The following ZNF736 variants were observed in gnomAD, a reference collection of about 807,000 sequenced individuals.
ZNF736 encodes zinc finger protein 736.
A neutral mutation model predicts 11.7 loss-of-function variants in ZNF736; 6 were observed. That is an observed-to-expected ratio of 0.51 (90% confidence interval 0.28 to 1.01). ZNF736 has a LOEUF of 1.01. Among genes scored for constraint, ZNF736 ranks in the 50% least tolerant of loss-of-function variants. The pLI is 0.09. For missense variants in ZNF736, 444 were observed against 496.0 expected, an observed-to-expected ratio of 0.90 and a Z score of 1.00; for synonymous variants, 139 against 164.7, an observed-to-expected ratio of 0.84 and a Z score of 1.19.
intron 1 of ZNF736, among the ~76,000 whole-genome samples, chr7:64,317,126 G>A (rs994302060): frequency 1.3e-5 from 2 of 152,106 alleles, no homozygotes; most frequent in African/African-American, 2.4e-5. Flanking sequence ...GTATTTATGT[G>A]TACACAATAA....
chr7:64,323,430 T>C lies in ZNF736; in HGVS notation c.3+9277T>C, dbSNP rs547158197. On this transcript the variant is annotated intron_variant, in intron 1 of 3. Coordinates refer to ENST00000423484, the MANE Select transcript of ZNF736 (RefSeq NM_001170905.3). ...AATTAAACTTAAGCAGTATATTGTT[T>C]TTAAAAGTAAAACAAAAAAAAATAC... is the stretch of plus-strand genomic sequence containing the variant. 2.2e-4 allele frequency among the ~76,000 whole-genome samples: 7 copies of C among 31,878 alleles called. No individual in the cohort carries two copies. In the East Asian group the frequency reaches 4.1e-3, roughly 19 times the overall value. The allele number at this position is 31,878 out of a possible 152,430, so 20.9% of individuals were successfully genotyped here. A position where few individuals can be genotyped will look rare whatever the true frequency, so the allele number is the denominator to read the frequency against.
chr7:64,315,239 G>A (rs1252677785), intron 1 of ZNF736, among the ~76,000 whole-genome samples: 1 of 152,098 alleles, frequency 6.6e-6, no homozygotes, highest in East Asian at 1.9e-4. Flanking sequence ...CCCAGTCTGA[G>A]GTATTTATAG....
chr7:64,344,674 A>G (rs916077373), intron 3 of ZNF736, among the ~76,000 whole-genome samples: 2 of 152,116 alleles, frequency 1.3e-5, no homozygotes, highest in African/African-American at 4.8e-5. Context: ...ATTTTAAATT[A>G]TATTTATCGA....
intron 1 of ZNF736, among the ~76,000 whole-genome samples, chr7:64,335,987 G>A (rs190771105): frequency 2.0e-5 from 3 of 152,278 alleles, no homozygotes; most frequent in Non-Finnish European, 2.9e-5. Flanking sequence ...TGTAAATGTA[G>A]CATTAAGAAA....
chr7:64,335,574 A>C (rs1189559625), intron 1 of ZNF736, among the ~76,000 whole-genome samples: 1 of 152,212 alleles, frequency 6.6e-6, no homozygotes, highest in Non-Finnish European at 1.5e-5. Flanking sequence ...ATTTTTCTCT[A>C]TTAATAGATA....
Position 64,348,412 on chromosome 7 carries a change from G to T in ZNF736, c.549G>T (p.Arg183Ser). The T allele has an allele frequency of 1.3e-6, 2 of 1,550,594 alleles. No homozygotes were observed. The highest frequency in any genetic ancestry group is 1.2e-5 in the South Asian group (1 of 84,056). ...GTGAAGAATGTGGCAAAGACTGTAGGTTGTTCTCAGATTTTACTAGACATA... is the reference window on the plus strand; with the variant it reads ...GTGAAGAATGTGGCAAAGACTGTAGTTTGTTCTCAGATTTTACTAGACATA... ...HKCEECGKDC[R>S]LFSDFTRHKK... The change falls in exon 4 of 4, where the codon AGG becomes AGT. Residue 183 changes from arginine to serine, a missense_variant. Physicochemically the swap from Arg to Ser is moderately radical, Grantham distance 110. Transcript: ENST00000423484.
At chr7:64,328,268 G>C (rs1447882239) in intron 1 of ZNF736, among the ~76,000 whole-genome samples, 1 of 122,032 alleles carries the variant, frequency 8.2e-6, no homozygotes, top group Non-Finnish European at 1.8e-5. Flanking sequence ...TTTTTTTTAT[G>C]GTAGAAGGAT....
intron 3 of ZNF736, among the ~76,000 whole-genome samples, chr7:64,342,827 C>A (rs994482421): frequency 6.6e-6 from 1 of 152,016 alleles, no homozygotes; most frequent in African/African-American, 2.4e-5. Context: ...TTTTCATCAA[C>A]TTTTCTCAAA....
rs1480095541 is a variant in ZNF736, at chr7:64,349,174, C to T, written c.*27C>T. 6.8e-6 allele frequency: 10 copies of T among 1,464,642 alleles called. No individual in the cohort carries two copies. Among genetic ancestry groups the T allele is most frequent in the Non-Finnish European group, 9.0e-6 (10 of 1,105,222 alleles). 90.7% of individuals were successfully genotyped at this position (1,464,642 alleles called of 1,614,324 possible). On this transcript the variant is annotated 3_prime_UTR_variant, in exon 4 of 4. Transcript: ENST00000423484. ...AATGTGGAAAAGCCTTTACCAAGTC[C>T]TCATACTGTGTTCAACATCTGAAAT...
chr7:64,326,313 T>C (rs1286318571), intron 1 of ZNF736, among the ~76,000 whole-genome samples: 1 of 152,206 alleles, frequency 6.6e-6, no homozygotes, highest in Non-Finnish European at 1.5e-5. Context: ...ATCTGCCTAT[T>C]TTTAATACAC....
rs191076853 is a variant in ZNF736 at position 64,355,663 on chromosome 7, T to G, written c.*6516T>G. On this transcript the variant is annotated 3_prime_UTR_variant, in exon 4 of 4. Coordinates refer to ENST00000423484, the MANE Select transcript of ZNF736 (RefSeq NM_001170905.3). ...TTCCAAAGTGCTGGGAATGCACATG[T>G]GAGCCACCGCGCCTGTCCTTGATTT... 1.3e-5 allele frequency: 2 copies of G among 152,434 alleles called. No homozygotes were observed. The highest frequency in any genetic ancestry group is 4.8e-5 in the African/African-American group (2 of 41,446). 9.4% of individuals were successfully genotyped at this position (152,434 alleles called of 1,614,324 possible).
rs1181887735 is a variant in ZNF736 at position 64,354,545 on chromosome 7, G to T, written c.*5398G>T. 2.4e-5 allele frequency: 1 copy of T among 42,332 alleles called. No individual in the cohort carries two copies. Among genetic ancestry groups the T allele is most frequent in the Non-Finnish European group, 5.3e-5 (1 of 18,842 alleles). The allele number at this position is 42,332 out of a possible 1,614,324, so 2.6% of individuals were successfully genotyped here. A position where few individuals can be genotyped will look rare whatever the true frequency, so the allele number is the denominator to read the frequency against. ...ATTGCTCCTGGCTTAGAATCATCTT[G>T]TGCAAATTCTTTTTTTGTTGTTTGT... On this transcript the variant is annotated 3_prime_UTR_variant, in exon 4 of 4. Coordinates refer to ENST00000423484, the MANE Select transcript of ZNF736 (RefSeq NM_001170905.3).
At chr7:64,319,488 C>T (rs1788971447) in intron 1 of ZNF736, among the ~76,000 whole-genome samples, 5 of 75,244 alleles carry the variant, frequency 6.6e-5, no homozygotes, top group Admixed American at 1.8e-4. Context: ...ACATTTCTTC[C>T]CTTTTTTTTT....
chr7:64,326,139 TAG>T (rs1789079419), intron 1 of ZNF736, among the ~76,000 whole-genome samples: 1 of 152,248 alleles, frequency 6.6e-6, no homozygotes, highest in African/African-American at 2.4e-5. Context: ...TGTACCATTT[TAG>T]AGTGTCTCTG....
chr7:64,329,564 A>C (rs1789130436), intron 1 of ZNF736, among the ~76,000 whole-genome samples: 1 of 152,184 alleles, frequency 6.6e-6, no homozygotes, highest in African/African-American at 2.4e-5. Context: ...TCTCTGGGTT[A>C]CCAGGCAGAC....
intron 3 of ZNF736, among the ~76,000 whole-genome samples, chr7:64,338,212 A>G (rs1789287258): frequency 6.6e-6 from 1 of 152,228 alleles, no homozygotes; most frequent in African/African-American, 2.4e-5. Flanking sequence ...TAATCCCAGT[A>G]AGGCGAATTT....
rs1261838822 is a variant in ZNF736 at position 64,349,050 on chromosome 7, C to A, written c.1187C>A (p.Pro396His). 1.1e-5 allele frequency: 18 copies of A among 1,606,162 alleles called. No homozygotes were observed. Among genetic ancestry groups the A allele is most frequent in the Non-Finnish European group, 1.4e-5 (17 of 1,175,946 alleles). The change falls in exon 4 of 4, where the codon CCC (proline) becomes CAC (histidine). Residue 396 changes from proline (P) to histidine (H), a missense_variant. Coordinates refer to ENST00000423484, the MANE Select transcript of ZNF736 (RefSeq NM_001170905.3). ...NHKRIHTGEKPYKCEECGKAS... is the reference protein window; with the variant it reads ...NHKRIHTGEKHYKCEECGKAS... The stretch of plus-strand genomic sequence containing the variant: ...AAGAGAATTCACACTGGAGAGAAAC[C>A]CTACAAATGTGAAGAATGTGGCAAA...
chr7:64,317,143 A>C (rs1388365246), intron 1 of ZNF736, among the ~76,000 whole-genome samples: 1 of 152,192 alleles, frequency 6.6e-6, no homozygotes, highest in Admixed American at 6.5e-5. Flanking sequence ...ATAAAAAGAT[A>C]TTTCCCACCA....
rs1354744095 is a variant in ZNF736, at chr7:64,349,068, G to A, written c.1205G>A (p.Cys402Tyr). Residue 402 changes from cysteine to tyrosine, a missense_variant, in exon 4 of 4, where the codon TGT becomes TAT. Cys to Tyr is a radical substitution (Grantham distance 194). Coordinates refer to ENST00000423484, the MANE Select transcript of ZNF736 (RefSeq NM_001170905.3). ...TGEKPYKCEECGKASSWFSHL... is the reference protein window; with the variant it reads ...TGEKPYKCEEYGKASSWFSHL... Reference sequence around the variant, plus strand: ...GAGAAACCCTACAAATGTGAAGAATGTGGCAAAGCATCGAGCTGGTTCTCA... The same window carrying A: ...GAGAAACCCTACAAATGTGAAGAATATGGCAAAGCATCGAGCTGGTTCTCA... The A allele has an allele frequency of 5.0e-6, 8 of 1,605,666 alleles. No homozygotes were observed. The highest frequency in any genetic ancestry group is 6.0e-6 in the Non-Finnish European group (7 of 1,175,596).
Sources: gnomAD v4.1 joint callset for allele counts (sites outside exome capture counted in the v4.1 genomes callset) on GRCh38, gnomAD v4.1.1 for gene constraint, MANE v1.5 for transcripts, NCBI Gene and HGNC (gene_info 2026-07-23, HGNC 2026-07-21) for gene names.